The following MAPKAP1 variants were observed in gnomAD, a reference collection of about 807,000 sequenced individuals.
MAPKAP1 encodes target of rapamycin complex 2 subunit MAPKAP1.
A neutral mutation model predicts 65.7 loss-of-function variants in MAPKAP1; 20 were observed. The ratio of observed to expected loss-of-function variants is 0.30; its 90% CI spans 0.21 to 0.44. The LOEUF (loss-of-function observed/expected upper bound fraction) is 0.44, where lower values mean the gene tolerates loss of function less well. Among genes scored for constraint, MAPKAP1 ranks in the 20% least tolerant of loss-of-function variants. MAPKAP1 has a pLI of 1.00. For missense variants in MAPKAP1, 423 were observed against 648.0 expected, an observed-to-expected ratio of 0.65 and a Z score of 3.77; for synonymous variants, 222 against 244.3, an observed-to-expected ratio of 0.91 and a Z score of 0.85.
intron 5 of MAPKAP1, among the ~76,000 whole-genome samples, chr9:125,576,006 A>G (rs1831383393): frequency 6.6e-6 from 1 of 152,210 alleles, no homozygotes; most frequent in Non-Finnish European, 1.5e-5. Context: ...TCCATTACTT[A>G]ACAACAGTGA....
chr9:125,506,113 C>T, intron 8 of MAPKAP1, 197 bp downstream of exon 8: 2 of 624,308 alleles, frequency 3.2e-6, no homozygotes, highest in East Asian at 2.8e-5. Context: ...AAACAGGATG[C>T]AGCCTCTCTA....
At chr9:125,637,747 C>G (rs1041541211) in intron 4 of MAPKAP1, among the ~76,000 whole-genome samples, 2 of 151,966 alleles carry the variant, frequency 1.3e-5, no homozygotes, top group African/African-American at 4.8e-5. Flanking sequence ...AGTAGCATAC[C>G]CACAATAGGA....
chr9:125,631,733 A>G (rs1311586913), intron 4 of MAPKAP1, among the ~76,000 whole-genome samples: 1 of 151,968 alleles, frequency 6.6e-6, no homozygotes, highest in Admixed American at 6.6e-5. Context: ...TTCCAGTCAT[A>G]CCCTACTACT....
intron 1 of MAPKAP1, among the ~76,000 whole-genome samples, chr9:125,673,584 T>C (rs1834557982): frequency 6.6e-6 from 1 of 152,022 alleles, no homozygotes; most frequent in African/African-American, 2.4e-5. Flanking sequence ...AACTTCTTAT[T>C]TTAGAAACTT....
At chr9:125,557,467 A>G (rs1564557041) in intron 6 of MAPKAP1, among the ~76,000 whole-genome samples, 1 of 152,250 alleles carries the variant, frequency 6.6e-6, no homozygotes, top group Non-Finnish European at 1.5e-5. Flanking sequence ...AAATGATTTT[A>G]GGAATTCTGT....
At chr9:125,579,996 G>C (rs1292208040) in intron 5 of MAPKAP1, among the ~76,000 whole-genome samples, 1 of 152,174 alleles carries the variant, frequency 6.6e-6, no homozygotes, top group East Asian at 1.9e-4. Flanking sequence ...AATTGACATT[G>C]GTGCAATACT....
At chr9:125,486,002 C>G (rs866782138) in intron 8 of MAPKAP1, among the ~76,000 whole-genome samples, 9 of 152,290 alleles carry the variant, frequency 5.9e-5, no homozygotes, top group African/African-American at 2.2e-4. Context: ...CTGTCCTAAT[C>G]TGGAAGCTTT....
At chr9:125,486,837 C>T (rs1468286602) in intron 8 of MAPKAP1, among the ~76,000 whole-genome samples, 6 of 152,136 alleles carry the variant, frequency 3.9e-5, no homozygotes, top group Non-Finnish European at 5.9e-5. Context: ...TGTTTTCCTA[C>T]TGAAGAGCAG....
intron 5 of MAPKAP1, among the ~76,000 whole-genome samples, chr9:125,578,065 CTT>C (rs1831501428): frequency 6.6e-6 from 1 of 151,850 alleles, no homozygotes; most frequent in African/African-American, 2.4e-5. Context: ...ACACGGGAGA[CTT>C]TTCATTTTGT....
intron 4 of MAPKAP1, among the ~76,000 whole-genome samples, chr9:125,637,767 G>C (rs1833466275): frequency 6.6e-6 from 1 of 152,104 alleles, no homozygotes; most frequent in East Asian, 1.9e-4. Flanking sequence ...AAGGTAGGTA[G>C]GTAATGGGTA....
intron 9 of MAPKAP1, among the ~76,000 whole-genome samples, chr9:125,482,526 A>C (rs1409222641): frequency 1.3e-5 from 2 of 152,200 alleles, no homozygotes; most frequent in African/African-American, 4.8e-5. Flanking sequence ...ATCAACACTA[A>C]ATAAGCAATT....
chr9:125,530,256 G>A (rs1187953255), intron 7 of MAPKAP1, among the ~76,000 whole-genome samples: 2 of 152,212 alleles, frequency 1.3e-5, no homozygotes, highest in African/African-American at 4.8e-5. Context: ...AAGAAAGAGG[G>A]ACTTCTGCTT....
intron 9 of MAPKAP1, among the ~76,000 whole-genome samples, chr9:125,470,107 G>A (rs910782042): frequency 2.0e-5 from 3 of 152,108 alleles, no homozygotes; most frequent in Admixed American, 6.6e-5. Context: ...TTAAAATTTT[G>A]TTCTATGCCC....
At chr9:125,585,954 T>C (rs1221157721) in intron 4 of MAPKAP1, among the ~76,000 whole-genome samples, 2 of 152,130 alleles carry the variant, frequency 1.3e-5, no homozygotes. Flanking sequence ...AGCAGGAAGG[T>C]AAATGGGCAC....
At chr9:125,585,441 A>G (rs1453550327) in intron 5 of MAPKAP1, 114 bp downstream of exon 5, 1 of 1,059,712 alleles carries the variant, frequency 9.4e-7, no homozygotes, top group Non-Finnish European at 1.4e-6. Context: ...GAGCTGGATC[A>G]GTGCAGAAGT....
At chr9:125,578,314 G>A (rs1258234866) in intron 5 of MAPKAP1, among the ~76,000 whole-genome samples, 1 of 151,752 alleles carries the variant, frequency 6.6e-6, no homozygotes, top group East Asian at 1.9e-4. Flanking sequence ...AGGGTCCTCT[G>A]CCTAGGAAAA....
At chr9:125,592,636 G>A (rs1831998800) in intron 4 of MAPKAP1, among the ~76,000 whole-genome samples, 1 of 152,202 alleles carries the variant, frequency 6.6e-6, no homozygotes, top group African/African-American at 2.4e-5. Flanking sequence ...CAGGCGCAGT[G>A]GCTCATGCCT....
rs1185120637 is a variant in MAPKAP1, at chr9:125,613,942, C to T, written c.499-28215G>A. Among the ~76,000 whole-genome samples the T allele has an allele frequency of 3.9e-5, 6 of 152,170 alleles. No individual in the cohort carries two copies. In the South Asian group the frequency reaches 8.3e-4, roughly 21 times the overall value. Reference sequence around the variant, plus strand: ...CCTCCCCAGTAGCTGGGACTACAGGCGCCCGCCACCACGCTCGGCTAATTT... The same window carrying T: ...CCTCCCCAGTAGCTGGGACTACAGGTGCCCGCCACCACGCTCGGCTAATTT... On this transcript the variant is annotated intron_variant, in intron 4 of 11. Transcript: ENST00000265960.
chr9:125,611,834 G>A (rs930703912), intron 4 of MAPKAP1, among the ~76,000 whole-genome samples: 2 of 152,034 alleles, frequency 1.3e-5, no homozygotes, highest in African/African-American at 4.8e-5. Flanking sequence ...CAATTAACAA[G>A]AAAAAATGGA....
Sources: gnomAD v4.1 joint callset for allele counts (sites outside exome capture counted in the v4.1 genomes callset) on GRCh38, gnomAD v4.1.1 for gene constraint, MANE v1.5 for transcripts, NCBI Gene and HGNC (gene_info 2026-07-23, HGNC 2026-07-21) for gene names.